FLT1: variants seen among roughly 807,000 people sequenced by gnomAD.
FLT1 encodes the protein fms related receptor tyrosine kinase 1.
Under a neutral mutation model 156.3 loss-of-function variants are expected in FLT1, and 49 were observed. That is an observed-to-expected ratio of 0.31 (90% CI 0.25 to 0.40). The LOEUF is 0.40. Among genes scored for constraint, FLT1 ranks in the 10% least tolerant of loss-of-function variants. The probability of loss-of-function intolerance (pLI) is 1.00; values close to 1 mark genes in which losing one functional copy is unlikely to be tolerated. For missense variants in FLT1, 1,322 were observed against 1,637.2 expected (o/e 0.81, Z 3.32); for synonymous variants, 594 against 583.8 (o/e 1.02, Z -0.25).
At chr13:28,350,244 C>T (rs929740655) in intron 15 of FLT1, among the ~76,000 whole-genome samples, 3 of 152,286 alleles carry the variant, frequency 2.0e-5, no homozygotes, top group South Asian at 2.1e-4. Context: ...CATCAGGACA[C>T]GGTACAAGGT....
chr13:28,343,172 G>A (rs532988485), intron 16 of FLT1, among the ~76,000 whole-genome samples: 3 of 152,032 alleles, frequency 2.0e-5, no homozygotes, highest in Non-Finnish European at 2.9e-5. Context: ...TAGTAGAGAC[G>A]GGGTTTCACC....
At chr13:28,494,691 G>T in intron 1 of FLT1, 89 bp downstream of exon 1, 1 of 1,016,828 alleles carries the variant, frequency 9.8e-7, no homozygotes, top group Non-Finnish European at 1.5e-6. Flanking sequence ...TCGTCTCCCC[G>T]CGTGCACCCC....
At chr13:28,304,332 T>C (rs1870645587) in intron 29 of FLT1, among the ~76,000 whole-genome samples, 1 of 152,166 alleles carries the variant, frequency 6.6e-6, no homozygotes, top group African/African-American at 2.4e-5. Flanking sequence ...CTAATACCAC[T>C]GTGCTCATGT....
Position 28,430,147 on chromosome 13 carries a change from T to C in FLT1, c.1009A>G (p.Lys337Glu), listed in dbSNP as rs747566037. ...HIYDKAFITV[K>E]HRKQQVLETV... ...TCAAGCACCTGCTGTTTTCGATGTT[T>C]CACAGTGATGAATGCTTTATCTTTG... Residue 337 changes from lysine to glutamate, a missense_variant, in exon 8 of 30, where the codon AAA (lysine) becomes GAA (glutamate). Around this residue, in one of 3 missense-constraint regions of FLT1, gnomAD observed 991 missense variants for 1,254.8 expected, o/e 0.79. Transcript: ENST00000282397. 2 of 1,612,590 alleles carry C rather than the reference T, an allele frequency of 1.2e-6. No homozygotes were observed. The highest frequency in any genetic ancestry group is 1.6e-4 in the Middle Eastern group (1 of 6,072).
At chr13:28,325,750 G>A (rs1190668189) in intron 20 of FLT1, among the ~76,000 whole-genome samples, 1 of 139,224 alleles carries the variant, frequency 7.2e-6, no homozygotes, top group South Asian at 2.5e-4. Flanking sequence ...AGGAAACGGA[G>A]GTTGCAGTGA....
At chr13:28,468,985 T>G (rs1355161456) in intron 1 of FLT1, among the ~76,000 whole-genome samples, 3 of 152,188 alleles carry the variant, frequency 2.0e-5, no homozygotes, top group African/African-American at 7.2e-5. Flanking sequence ...ATCAGAATAC[T>G]ATCACTAAGG....
chr13:28,368,177 G>A, intron 14 of FLT1: 1 of 456,578 alleles, frequency 2.2e-6, no homozygotes, highest in Non-Finnish European at 3.0e-6. Context: ...TTTTGAGACG[G>A]AGTTTCGCTC....
intron 1 of FLT1, among the ~76,000 whole-genome samples, chr13:28,471,590 G>C (rs1165638560): frequency 6.6e-6 from 1 of 152,188 alleles, no homozygotes; most frequent in Non-Finnish European, 1.5e-5. Flanking sequence ...CATAGTCATA[G>C]CATGGGGAAG....
At chr13:28,484,943 A>AG (rs900495736) in intron 1 of FLT1, among the ~76,000 whole-genome samples, 2 of 81,888 alleles carry the variant, frequency 2.4e-5, no homozygotes, top group Non-Finnish European at 4.8e-5. Context: ...GTGTGGGGGG[A>AG]GGGGGGAGGG....
intron 16 of FLT1, among the ~76,000 whole-genome samples, chr13:28,344,091 C>A (rs548348727): frequency 6.6e-6 from 1 of 151,990 alleles, no homozygotes; most frequent in South Asian, 2.1e-4. Flanking sequence ...GTGCCCCACT[C>A]CCCCCATTCC....
intron 3 of FLT1, among the ~76,000 whole-genome samples, chr13:28,453,617 G>C (rs960168847): frequency 3.9e-5 from 6 of 152,040 alleles, no homozygotes; most frequent in African/African-American, 1.4e-4. Context: ...ATCTCATTTT[G>C]CTAATCCCTG....
chr13:28,444,841 CTAAAATT>C (rs71190780), intron 3 of FLT1, among the ~76,000 whole-genome samples: 116,110 of 150,696 alleles, frequency 0.77, 44,792 homozygotes, highest in African/African-American at 0.8. Flanking sequence ...ACACAGCATA[CTAAAATT>C]TAAAATTTAC....
chr13:28,368,392 T>G (rs1873385743), intron 14 of FLT1: 1 of 1,229,288 alleles, frequency 8.1e-7, no homozygotes, highest in Non-Finnish European at 1.1e-6. Flanking sequence ...CCTCAAATGA[T>G]CCACCTGCCT....
At chr13:28,388,549 T>A in intron 13 of FLT1, 1 of 1,048,496 alleles carries the variant, frequency 9.5e-7, no homozygotes, top group Non-Finnish European at 1.2e-6. Context: ...GAAAAAGTCA[T>A]TTTCCCTCAA....
chr13:28,430,854 C>T (rs1001859986), intron 7 of FLT1, among the ~76,000 whole-genome samples: 1 of 152,028 alleles, frequency 6.6e-6, no homozygotes, highest in Non-Finnish European at 1.5e-5. Flanking sequence ...TTTGTTTATA[C>T]AGAACACTAA....
At position 28,325,857 on chromosome 13, in the gene FLT1, A is replaced by G. The variant is rs112314132; in HGVS notation, c.2796+1605T>C. Among the ~76,000 whole-genome samples the G allele has an allele frequency of 2.0e-4, 30 of 146,890 alleles. 1 individual carries two copies. The highest frequency in any genetic ancestry group is 4.0e-4 in the Non-Finnish European group (27 of 66,720). On this transcript the variant is annotated intron_variant, in intron 20 of 29. Coordinates refer to ENST00000282397, the MANE Select transcript of FLT1 (RefSeq NM_002019.4). ...AAAAAAAGGTTCTTATTATTAGAGG[A>G]CCTGACTTAAACCTGGGGAAAATGA...
At chr13:28,342,493 G>C (rs934234384) in intron 16 of FLT1, among the ~76,000 whole-genome samples, 1 of 152,038 alleles carries the variant, frequency 6.6e-6, no homozygotes, top group African/African-American at 2.4e-5. Flanking sequence ...TCAAGCAGTG[G>C]ACTTAGTTGT....
chr13:28,340,290 G>A (rs1307714361), intron 16 of FLT1, among the ~76,000 whole-genome samples: 1 of 152,082 alleles, frequency 6.6e-6, no homozygotes, highest in Non-Finnish European at 1.5e-5. Flanking sequence ...GCCACATTCT[G>A]ACTTCATTTG....
intron 9 of FLT1, 102 bp downstream of exon 9, chr13:28,427,650 A>ATTTTT (rs1216365190): frequency 9.6e-7 from 1 of 1,041,570 alleles, no homozygotes; most frequent in Non-Finnish European, 1.5e-6. Context: ...ATTATTTGAA[A>ATTTTT]TTTTGCTATC....
Sources: allele counts gnomAD v4.1 joint callset (sites outside exome capture counted in the v4.1 genomes callset), GRCh38; gene constraint gnomAD v4.1.1; regional missense constraint gnomAD v4.1.1; transcripts MANE v1.5; gene names NCBI Gene and HGNC (gene_info 2026-07-23, HGNC 2026-07-21).